The following ZNF529 variants were observed in gnomAD, a reference collection of about 807,000 sequenced individuals.
ZNF529 encodes the protein zinc finger protein 529.
ZNF529 carries 11 observed loss-of-function variants against 10.1 expected under a neutral mutation model. That is an observed-to-expected ratio of 1.09 (90% CI 0.69 to 1.81). The LOEUF is 1.81. Among genes scored for constraint, ZNF529 ranks in the 40% most tolerant of loss-of-function variants. The pLI is 0.00. For missense variants in ZNF529, 624 were observed against 666.8 expected (o/e 0.94, Z 0.71); for synonymous variants, 204 against 215.7 (o/e 0.95, Z 0.47).
chr19:36,581,863 C>G (rs11084859), intron 2 of ZNF529: 13,417 of 152,380 alleles, frequency 0.088, 756 homozygotes, highest in Non-Finnish European at 0.12. Flanking sequence ...AATTACCCAG[C>G]CTCAGGTATT....
In ZNF529 at chr19:36,547,367, T is replaced by C. The variant is rs761766550; in HGVS notation, c.1191A>G (p.Lys397=). ...TATTTCTAAAGACCTTTCCACATGC[T>C]TTGCATTCATAGGGTTTCTTACCAG... ...IHTGKKPYEC[K]ACGKVFRNSS... Residue 397 remains lysine (K), a synonymous_variant, in exon 5 of 5, where the codon AAA becomes AAG. Transcript: ENST00000591340. The C allele has an allele frequency of 1.9e-6, 3 of 1,613,614 alleles. No individual in the cohort carries two copies. The South Asian group carries it at 3.3e-5, about 18-fold the overall frequency.
rs117530559 is a variant in ZNF529, at chr19:36,601,190, T to C, written c.-128+3936A>G. Among the ~76,000 whole-genome samples the C allele has an allele frequency of 6.1e-3, 934 of 152,026 alleles. 29 individuals are homozygous for C. The highest frequency in any genetic ancestry group is 0.06 in the East Asian group (313 of 5,174). ...TAATTACAAGTGTAATTTTTTTTTTTTTTTTTGAGACGGAGTCTCGCTCTG... is the reference window on the plus strand; with the variant it reads ...TAATTACAAGTGTAATTTTTTTTTTCTTTTTTGAGACGGAGTCTCGCTCTG... On this transcript the variant is annotated intron_variant, in intron 1 of 4. Transcript: ENST00000585960.
chr19:36,573,068 C>T (rs2036201075), intron 1 of ZNF529, 72 bp downstream of exon 1: 2 of 183,230 alleles, frequency 1.1e-5, no homozygotes, highest in South Asian at 1.9e-4. Context: ...CAAACAGCAC[C>T]CACGGCACAC....
chr19:36,570,360 C>CAAAAAAAA (rs58429405), intron 2 of ZNF529, among the ~76,000 whole-genome samples: 1 of 70,586 alleles, frequency 1.4e-5, no homozygotes, highest in East Asian at 3.8e-4. Context: ...GACCCTATCT[C>CAAAAAAAA]AAAAAAAAAA....
rs574206814 is a variant in ZNF529 at position 36,563,574 on chromosome 19, T to C, written c.15-7377A>G. On this transcript the variant is annotated intron_variant, in intron 2 of 4. Transcript: ENST00000591340. ...ACTAAAAGAATAACATACCTAAGAA[T>C]ACAGCTAACCAGGGAGGTGAAAGAT... 5.3e-5 allele frequency among the ~76,000 whole-genome samples: 8 copies of C among 152,166 alleles called. No individual in the cohort carries two copies. In the East Asian group the frequency reaches 1.4e-3, roughly 26 times the overall value.
rs1186184271 is a variant in ZNF529, at chr19:36,546,303, G to A, written c.*563C>T. ...GTTCCTATGTATGTGTTTTTTTGGG[G>A]GGAATATGTTGTATCAAAATAAAGT... On this transcript the variant is annotated 3_prime_UTR_variant, in exon 5 of 5. Transcript: ENST00000591340. The A allele has an allele frequency of 6.6e-6, 1 of 151,730 alleles. No individual in the cohort carries two copies. Among genetic ancestry groups the A allele is most frequent in the Non-Finnish European group, 1.5e-5 (1 of 68,208 alleles). 9.4% of individuals were successfully genotyped at this position (151,730 alleles called of 1,614,324 possible).
At chr19:36,572,426 A>G in intron 1 of ZNF529, 34 bp from the exon 2 acceptor site, 1 of 1,491,484 alleles carries the variant, frequency 6.7e-7, no homozygotes, top group Admixed American at 2.0e-5. Context: ...GACTCATGAC[A>G]TCCTGGACTG....
intron 2 of ZNF529, among the ~76,000 whole-genome samples, chr19:36,557,989 T>G (rs2035545394): frequency 6.6e-6 from 1 of 151,518 alleles, no homozygotes; most frequent in South Asian, 2.1e-4. Context: ...GAGATAAAAA[T>G]TATTAAAAAT....
At chr19:36,554,880 G>C in intron 3 of ZNF529, 84 bp from the exon 4 acceptor site, 1 of 1,318,360 alleles carries the variant, frequency 7.6e-7, no homozygotes, top group Non-Finnish European at 1.0e-6. Context: ...CTTATAGCAA[G>C]GGGATTGGAC....
chr19:36,547,563 T>A lies in ZNF529; in HGVS notation c.995A>T (p.His332Leu). The change falls in exon 5 of 5, where the codon CAT becomes CTT. Residue 332 changes from histidine to leucine, a missense_variant. His to Leu is a moderately conservative substitution (Grantham distance 99). Coordinates refer to ENST00000591340, the MANE Select transcript of ZNF529 (RefSeq NM_020951.5). Reference protein sequence around the residue: ...HSQLTEHQRIHTGEKPYKCMH... With the variant: ...HSQLTEHQRILTGEKPYKCMH... ...ACATTTGTAGGGTTTCTCACCAGTATGAATTCTCTGATGTTCGGTAAGCTG... is the reference window on the plus strand; with the variant it reads ...ACATTTGTAGGGTTTCTCACCAGTAAGAATTCTCTGATGTTCGGTAAGCTG... 1 of 1,613,990 alleles carries A rather than the reference T, an allele frequency of 6.2e-7. No homozygotes were observed. The highest frequency in any genetic ancestry group is 8.5e-7 in the Non-Finnish European group (1 of 1,179,874).
intron 2 of ZNF529, among the ~76,000 whole-genome samples, chr19:36,587,055 A>G (rs996648482): frequency 6.6e-6 from 1 of 152,142 alleles, no homozygotes; most frequent in African/African-American, 2.4e-5. Flanking sequence ...ACTTAAGGTC[A>G]GGAGTTGGAG....
chr19:36,577,158 C>T, upstream of ZNF529: 1 of 453,236 alleles, frequency 2.2e-6, no homozygotes, highest in Non-Finnish European at 4.4e-6. Context: ...CAAGGTTTCG[C>T]CACATTGACT....
intron 4 of ZNF529, among the ~76,000 whole-genome samples, chr19:36,549,164 C>G (rs1600245344): frequency 6.6e-6 from 1 of 152,158 alleles, no homozygotes; most frequent in African/African-American, 2.4e-5. Flanking sequence ...TCAAGATACC[C>G]TCAGAAAGGG....
intron 2 of ZNF529, among the ~76,000 whole-genome samples, chr19:36,564,954 G>A (rs1209508589): frequency 1.3e-5 from 2 of 152,152 alleles, no homozygotes; most frequent in Non-Finnish European, 2.9e-5. Context: ...CATGGATGCA[G>A]CTGGAGGCCA....
At chr19:36,559,835 TAAGATGAA>T (rs1286343158) in intron 2 of ZNF529, among the ~76,000 whole-genome samples, 1 of 152,028 alleles carries the variant, frequency 6.6e-6, no homozygotes, top group East Asian at 1.9e-4. Flanking sequence ...TTTCAAAACT[TAAGATGAA>T]AAGACATTTC....
At chr19:36,578,247 G>T (rs1323967402), upstream of ZNF529, among the ~76,000 whole-genome samples, 1 of 118,100 alleles carries the variant, frequency 8.5e-6, no homozygotes, top group Non-Finnish European at 1.7e-5. Context: ...TGTATTTTTA[G>T]TAGAGACGAG....
upstream of ZNF529, among the ~76,000 whole-genome samples, chr19:36,576,338 G>A (rs1026714524): frequency 6.6e-6 from 1 of 152,108 alleles, no homozygotes; most frequent in East Asian, 1.9e-4. Context: ...CATGAGACAG[G>A]ATTCTCCATT....
chr19:36,586,193 T>G (rs1427103966), intron 2 of ZNF529, among the ~76,000 whole-genome samples: 2 of 152,200 alleles, frequency 1.3e-5, no homozygotes, highest in African/African-American at 4.8e-5. Context: ...TGCAAACAAG[T>G]AAAATTCTTC....
intron 1 of ZNF529, among the ~76,000 whole-genome samples, chr19:36,601,024 T>C (rs763074501): frequency 3.9e-5 from 6 of 151,914 alleles, no homozygotes; most frequent in Non-Finnish European, 7.4e-5. Flanking sequence ...TACACAATTA[T>C]GTAACTTGGA....
Sources: allele counts gnomAD v4.1 joint callset (sites outside exome capture counted in the v4.1 genomes callset), GRCh38; gene constraint gnomAD v4.1.1; transcripts MANE v1.5; gene names NCBI Gene and HGNC (gene_info 2026-07-23, HGNC 2026-07-21).